Variants in ANKUB1 observed in about 807,000 individuals in gnomAD.
The protein encoded by ANKUB1 is ankyrin repeat and ubiquitin domain containing 1.
Under a neutral mutation model 49.3 loss-of-function variants are expected in ANKUB1, and 42 were observed. The ratio of observed to expected loss-of-function variants is 0.85; its 90% CI spans 0.67 to 1.10. The LOEUF is 1.10. Ranked by LOEUF, ANKUB1 falls within the 50% of genes least tolerant of loss-of-function variation. ANKUB1 has a pLI of 0.00. For synonymous variants in ANKUB1, 222 were observed against 231.0 expected (o/e 0.96, Z 0.35); for missense variants, 613 against 642.0 (o/e 0.95, Z 0.49).
Position 149,761,218 on chromosome 3 carries a change from C to T in ANKUB1, c.*266G>A, listed in dbSNP as rs1716770489. On this transcript the variant is annotated 3_prime_UTR_variant, in exon 6 of 6. Coordinates refer to ENST00000446160, the MANE Select transcript of ANKUB1 (RefSeq NM_001144960.3). ...TTCCCACTTCCTTGTTTTCCATTGT[C>T]TCAGCTCCCCTACCCTGTGGACAAC... 3.9e-6 allele frequency: 1 copy of T among 258,126 alleles called. No individual in the cohort carries two copies. The highest frequency in any genetic ancestry group is 7.2e-6 in the Non-Finnish European group (1 of 138,884). The allele number at this position is 258,126 out of a possible 1,614,324, so 16.0% of individuals were successfully genotyped here.
intron 2 of ANKUB1, 29 bp from the exon 3 acceptor site, chr3:149,780,484 T>C (rs370102552): frequency 5.3e-6 from 8 of 1,523,190 alleles, no homozygotes; most frequent in Middle Eastern, 1.7e-4. Flanking sequence ...AGGGAACTTA[T>C]TGTCTGGAGG....
intron 2 of ANKUB1, among the ~76,000 whole-genome samples, chr3:149,786,686 G>A (rs1227090510): frequency 6.6e-6 from 1 of 152,130 alleles, no homozygotes; most frequent in African/African-American, 2.4e-5. Flanking sequence ...TATTGCCTAG[G>A]TTTTCTTCTA....
At chr3:149,765,443 T>C (rs1716969746) in intron 5 of ANKUB1, among the ~76,000 whole-genome samples, 1 of 152,264 alleles carries the variant, frequency 6.6e-6, no homozygotes, top group East Asian at 1.9e-4. Flanking sequence ...GTGGTCCTTA[T>C]GGATTTTACT....
At chr3:149,784,301 C>T (rs375935881) in intron 2 of ANKUB1, among the ~76,000 whole-genome samples, 33 of 152,294 alleles carry the variant, frequency 2.2e-4, no homozygotes, top group South Asian at 1.0e-3. Flanking sequence ...GCCCATTTCA[C>T]GCTCTGAAAA....
chr3:149,767,209 G>T lies in ANKUB1; in HGVS notation c.1453C>A (p.His485Asn). The T allele has an allele frequency of 6.5e-7, 1 of 1,549,650 alleles. No individual in the cohort carries two copies. The highest frequency in any genetic ancestry group is 8.7e-7 in the Non-Finnish European group (1 of 1,146,452). The change falls in exon 5 of 6, where the codon CAC becomes AAC. Residue 485 changes from histidine to asparagine, a missense_variant. Coordinates refer to ENST00000446160, the MANE Select transcript of ANKUB1 (RefSeq NM_001144960.3). The stretch of plus-strand genomic sequence containing the variant: ...TTCTCCCATGGAGTCTTCCCACTGT[G>T]CTCTAAGAAAGATGAGAAGGAGGAC... ...LKSSFSSFLE[H>N]SGKTPWENAI...
chr3:149,780,099 T>A (rs1559868269), intron 3 of ANKUB1, 140 bp downstream of exon 3: 1 of 724,928 alleles, frequency 1.4e-6, no homozygotes, highest in Non-Finnish European at 2.3e-6. Context: ...TGTTAACTGT[T>A]TTAAAGTGAA....
At chr3:149,771,103 T>A (rs1034529047) in intron 3 of ANKUB1, among the ~76,000 whole-genome samples, 4 of 152,250 alleles carry the variant, frequency 2.6e-5, no homozygotes, top group African/African-American at 9.6e-5. Context: ...GCTCACCAGC[T>A]AATTTGCTTG....
rs1409327774 is a variant in ANKUB1, at chr3:149,766,536, A to C, written c.1505+621T>G. 3 of 324,848 alleles carry C rather than the reference A, an allele frequency of 9.2e-6. No homozygotes were observed. In the Admixed American group the frequency reaches 1.2e-4, roughly 13 times the overall value. 20.1% of individuals were successfully genotyped at this position (324,848 alleles called of 1,614,324 possible). ...ATTAGCAGGCTAGGCACAGTGGTTC[A>C]TGCCTGTAATCCCAGCACTTTGGGA... On this transcript the variant is annotated intron_variant, in intron 5 of 5. Coordinates refer to ENST00000446160, the MANE Select transcript of ANKUB1 (RefSeq NM_001144960.3).
At chr3:149,781,001 C>CTTTTT (rs370353150) in intron 2 of ANKUB1, among the ~76,000 whole-genome samples, 1 of 132,830 alleles carries the variant, frequency 7.5e-6, no homozygotes. Context: ...GTCTGTCTTC[C>CTTTTT]TTTTTTTTTT....
Position 149,780,473 on chromosome 3 carries a change from G to T in ANKUB1, c.235-18C>A. The T allele has an allele frequency of 6.5e-7, 1 of 1,539,894 alleles. No individual in the cohort carries two copies. The highest frequency in any genetic ancestry group is 8.8e-7 in the Non-Finnish European group (1 of 1,136,080). On this transcript the variant is annotated intron_variant, in intron 2 of 5. Transcript: ENST00000446160. ...TCTTCTTCCTAAAGGGAAAGAAAAG[G>T]AGGGAACTTATTGTCTGGAGGTTCA...
chr3:149,790,966 C>G, intron 1 of ANKUB1, 42 bp from the exon 2 acceptor site: 9 of 1,521,172 alleles, frequency 5.9e-6, no homozygotes, highest in Non-Finnish European at 8.0e-6. Context: ...TACATCCTTA[C>G]GTTACTAGAC....
At chr3:149,770,101 A>T (rs903790729) in intron 4 of ANKUB1, among the ~76,000 whole-genome samples, 1 of 151,980 alleles carries the variant, frequency 6.6e-6, no homozygotes, top group Non-Finnish European at 1.5e-5. Flanking sequence ...TTTCCTTATG[A>T]TTTTCTTAAT....
chr3:149,778,153 C>A (rs1236317959), intron 3 of ANKUB1, among the ~76,000 whole-genome samples: 1 of 152,168 alleles, frequency 6.6e-6, no homozygotes, highest in South Asian at 2.1e-4. Context: ...AGGTATGAAG[C>A]ATATGAAGCA....
chr3:149,768,550 C>T (rs1027307652), intron 4 of ANKUB1, among the ~76,000 whole-genome samples: 1 of 147,578 alleles, frequency 6.8e-6, no homozygotes, highest in Admixed American at 6.7e-5. Flanking sequence ...CTTCCTCCAT[C>T]CCCCCTCCCC....
At chr3:149,771,025 C>T (rs182069723) in intron 3 of ANKUB1, among the ~76,000 whole-genome samples, 2 of 152,194 alleles carry the variant, frequency 1.3e-5, no homozygotes, top group East Asian at 1.9e-4. Flanking sequence ...AACTAAGGAA[C>T]CTGTGGCAGG....
intron 3 of ANKUB1, among the ~76,000 whole-genome samples, chr3:149,775,545 G>C (rs1374590808): frequency 1.3e-5 from 2 of 152,114 alleles, no homozygotes; most frequent in African/African-American, 4.8e-5. Flanking sequence ...CCTGGAGCCA[G>C]CTCAGATTTC....
intron 5 of ANKUB1, among the ~76,000 whole-genome samples, chr3:149,766,062 G>A (rs372485910): frequency 3.9e-5 from 6 of 152,120 alleles, no homozygotes; most frequent in South Asian, 2.1e-4. Context: ...GGGAAAAGTC[G>A]CTTGTAAATC....
chr3:149,774,064 G>T (rs1559865554), intron 3 of ANKUB1, among the ~76,000 whole-genome samples: 2 of 152,116 alleles, frequency 1.3e-5, no homozygotes, highest in Non-Finnish European at 2.9e-5. Flanking sequence ...TGTTCATCCT[G>T]GTCAGATATT....
intron 5 of ANKUB1, chr3:149,764,126 G>C: frequency 2.3e-6 from 1 of 431,142 alleles, no homozygotes; most frequent in South Asian, 1.7e-5. Flanking sequence ...CATCAAGATA[G>C]CGTCCATCCA....
Sources: gnomAD v4.1 joint callset for allele counts (sites outside exome capture counted in the v4.1 genomes callset) on GRCh38, gnomAD v4.1.1 for gene constraint, MANE v1.5 for transcripts, NCBI Gene and HGNC (gene_info 2026-07-23, HGNC 2026-07-21) for gene names.